Variants in NBEAL1 observed in about 807,000 individuals in gnomAD.
NBEAL1 encodes the protein neurobeachin-like protein 1.
In NBEAL1, 273 loss-of-function variants were observed where a neutral mutation model predicts 351.3. The ratio of observed to expected loss-of-function variants is 0.78; its 90% CI spans 0.70 to 0.86. The LOEUF is 0.86. Among genes scored for constraint, NBEAL1 ranks in the 40% least tolerant of loss-of-function variants. The pLI, the probability that NBEAL1 is intolerant of heterozygous loss-of-function variation, is 0.00. For missense variants in NBEAL1, 2,961 were observed against 3,201.3 expected, an observed-to-expected ratio of 0.92 and a Z score of 1.81; for synonymous variants, 1,050 against 1,086.4, an observed-to-expected ratio of 0.97 and a Z score of 0.66.
Position 203,217,571 on chromosome 2 carries a change from A to C in NBEAL1, c.*217A>C. 1 of 1,139,752 alleles carries C rather than the reference A, an allele frequency of 8.8e-7. No homozygotes were observed. The highest frequency in any genetic ancestry group is 1.1e-6 in the Non-Finnish European group (1 of 924,092). The allele number at this position is 1,139,752 out of a possible 1,614,324, so 70.6% of individuals were successfully genotyped here. On this transcript the variant is annotated 3_prime_UTR_variant, in exon 56 of 56. Coordinates refer to ENST00000683969, the MANE Select transcript of NBEAL1 (RefSeq NM_001378026.1). ...GATTTGATTTTGTGGCCCATTCCTA[A>C]AGGTCATTGTATCCATTTTTAAAAC...
At chr2:203,125,925 A>G (rs1262419698) in intron 20 of NBEAL1, 35 bp from the exon 21 acceptor site, 1 of 1,466,876 alleles carries the variant, frequency 6.8e-7, no homozygotes, top group African/African-American at 1.4e-5. Flanking sequence ...GTGATTAGAG[A>G]AATTATGATA....
At chr2:203,071,540 C>G (rs1289654837) in intron 7 of NBEAL1, among the ~76,000 whole-genome samples, 4 of 152,190 alleles carry the variant, frequency 2.6e-5, no homozygotes, top group Admixed American at 6.5e-5. Flanking sequence ...CTTGCCCCCC[C>G]ATTCATGTAC....
At chr2:203,041,140 G>A (rs1441349657) in intron 2 of NBEAL1, among the ~76,000 whole-genome samples, 1 of 152,184 alleles carries the variant, frequency 6.6e-6, no homozygotes, top group East Asian at 1.9e-4. Flanking sequence ...CACATGCCAT[G>A]GAAGGAGTCC....
intron 17 of NBEAL1, among the ~76,000 whole-genome samples, chr2:203,115,773 A>AT (rs2062681289): frequency 6.6e-6 from 1 of 152,154 alleles, no homozygotes. Context: ...TATAAAAAAA[A>AT]TTTTCTGTAA....
At chr2:203,055,226 T>G (rs745653703) in intron 4 of NBEAL1, among the ~76,000 whole-genome samples, 2 of 152,200 alleles carry the variant, frequency 1.3e-5, no homozygotes, top group African/African-American at 2.4e-5. Flanking sequence ...GAAGCAGAAT[T>G]CTTGCAGAGG....
Position 203,144,794 on chromosome 2 carries a change from C to T in NBEAL1, c.5043C>T (p.Phe1681=). Residue 1681 remains phenylalanine, a synonymous_variant, in exon 32 of 56, where the codon TTC becomes TTT. Coordinates refer to ENST00000683969, the MANE Select transcript of NBEAL1 (RefSeq NM_001378026.1). ...TTTCCAAAATTTATGAGCTTCTCTT[C>T]ATGAACTTGCACCTACCTTCTTTAC... ...TLVSKIYELL[F]MNLHLPSLPF... 2 of 1,614,112 alleles carry T rather than the reference C, an allele frequency of 1.2e-6. No homozygotes were observed. The highest frequency in any genetic ancestry group is 1.7e-6 in the Non-Finnish European group (2 of 1,179,948).
chr2:203,072,983 T>C (rs1030858733), intron 7 of NBEAL1, among the ~76,000 whole-genome samples: 1 of 152,176 alleles, frequency 6.6e-6, no homozygotes, highest in Non-Finnish European at 1.5e-5. Context: ...TCCTCTGTTT[T>C]CTGTGAGAGT....
At chr2:203,050,053 G>T in intron 4 of NBEAL1, 78 bp downstream of exon 4, 1 of 1,339,408 alleles carries the variant, frequency 7.5e-7, no homozygotes, top group Non-Finnish European at 1.0e-6. Context: ...GATGAGGAGG[G>T]GAACATCACA....
intron 41 of NBEAL1, among the ~76,000 whole-genome samples, chr2:203,174,407 T>C (rs1161456794): frequency 6.6e-6 from 1 of 152,048 alleles, no homozygotes; most frequent in Non-Finnish European, 1.5e-5. Context: ...TATATTGTTA[T>C]GAACAATATA....
chr2:203,062,985 A>G lies in NBEAL1; in HGVS notation c.516-5408A>G, dbSNP rs2061524334. ...TGTTTAATGCTTACCAAAATAGCGA[A>G]AGCAGGTTAGAATAGATTTAATTAA... On this transcript the variant is annotated intron_variant, in intron 6 of 55. Transcript: ENST00000683969. This position sits in a 1 kb window ranked among gnomAD's most constrained non-coding sequence, Gnocchi z 4.2. Among the ~76,000 whole-genome samples, 2 of 152,204 alleles carry G rather than the reference A, an allele frequency of 1.3e-5. No homozygotes were observed. The highest frequency in any genetic ancestry group is 4.1e-4 in the South Asian group (2 of 4,830).
At chr2:203,146,495 T>C (rs1387849046) in intron 33 of NBEAL1, among the ~76,000 whole-genome samples, 2 of 152,128 alleles carry the variant, frequency 1.3e-5, no homozygotes, top group Non-Finnish European at 2.9e-5. Flanking sequence ...CAATACATTT[T>C]TAAAATAATA....
chr2:203,015,099 G>A (rs2060654289), intron 1 of NBEAL1, 117 bp downstream of exon 1: 1 of 152,778 alleles, frequency 6.5e-6, no homozygotes, highest in Non-Finnish European at 1.5e-5. Context: ...CTTTGAGTGG[G>A]CTAGGCTGTC....
At chr2:203,171,675 A>AG (rs1239177704) in intron 39 of NBEAL1, among the ~76,000 whole-genome samples, 1 of 35,160 alleles carries the variant, frequency 2.8e-5, no homozygotes, top group Non-Finnish European at 1.3e-4. Context: ...AGAAAAGACA[A>AG]GGTTTTTTTT....
intron 21 of NBEAL1, 29 bp downstream of exon 21, chr2:203,126,122 A>G: frequency 1.3e-6 from 2 of 1,505,538 alleles, no homozygotes; most frequent in African/African-American, 1.4e-5. Context: ...GTGTTGATGT[A>G]GCTAATAATT....
At chr2:203,195,294 A>AATT (rs1491333412) in intron 47 of NBEAL1, among the ~76,000 whole-genome samples, 2 of 152,164 alleles carry the variant, frequency 1.3e-5, no homozygotes, top group Non-Finnish European at 2.9e-5. Flanking sequence ...TTTATGGGGT[A>AATT]CACCACTGTA....
intron 10 of NBEAL1, among the ~76,000 whole-genome samples, chr2:203,093,492 A>C (rs1488556297): frequency 2.6e-5 from 4 of 152,230 alleles, no homozygotes; most frequent in Non-Finnish European, 5.9e-5. Context: ...TTAAAAGTTA[A>C]TTCTTTGATA....
chr2:203,025,590 C>T (rs2060844285), intron 2 of NBEAL1, among the ~76,000 whole-genome samples: 1 of 152,154 alleles, frequency 6.6e-6, no homozygotes, highest in Non-Finnish European at 1.5e-5. Flanking sequence ...TCATATTTCT[C>T]CTATATGCAA....
At chr2:203,158,662 TA>T (rs1317747300) in intron 36 of NBEAL1, among the ~76,000 whole-genome samples, 1 of 152,116 alleles carries the variant, frequency 6.6e-6, no homozygotes, top group Non-Finnish European at 1.5e-5. Flanking sequence ...GGAAAACAAA[TA>T]TATGTTATTT....
intron 36 of NBEAL1, among the ~76,000 whole-genome samples, chr2:203,160,510 T>G (rs914061033): frequency 1.3e-5 from 2 of 152,326 alleles, no homozygotes; most frequent in Middle Eastern, 3.4e-3. Flanking sequence ...GTTTTTATGA[T>G]AGCTACTTTG....
Sources: allele counts gnomAD v4.1 joint callset (sites outside exome capture counted in the v4.1 genomes callset), GRCh38; gene constraint gnomAD v4.1.1; non-coding constraint Gnocchi (gnomAD v3.1); transcripts MANE v1.5; gene names NCBI Gene and HGNC (gene_info 2026-07-23, HGNC 2026-07-21).